Variants in ZSCAN5A observed in about 807,000 individuals in gnomAD.
ZSCAN5A encodes zinc finger and SCAN domain containing 5A, also known as zinc finger and SCAN domain-containing protein 5A.
In ZSCAN5A, 12 loss-of-function variants were observed where a neutral mutation model predicts 23.7. The ratio of observed to expected loss-of-function variants is 0.51; its 90% CI spans 0.32 to 0.82. The LOEUF is 0.82. ZSCAN5A is among the 40% of genes least tolerant of loss of function. The pLI is 0.03. For missense variants in ZSCAN5A, 597 were observed against 617.9 expected (o/e 0.97, Z 0.36); for synonymous variants, 257 against 239.9 (o/e 1.07, Z -0.66).
intron 2 of ZSCAN5A, among the ~76,000 whole-genome samples, chr19:56,348,558 G>A (rs1206414800): frequency 6.6e-6 from 1 of 152,170 alleles, no homozygotes; most frequent in East Asian, 1.9e-4. Flanking sequence ...AATTAGCTGA[G>A]CTAATAGCTC....
intron 1 of ZSCAN5A, among the ~76,000 whole-genome samples, chr19:56,364,066 C>A (rs1389788716): frequency 6.6e-6 from 1 of 152,144 alleles, no homozygotes; most frequent in African/African-American, 2.4e-5. Flanking sequence ...ATTTCAGAGA[C>A]CTCTGCAGCA....
chr19:56,327,496 C>T (rs899952699), intron 2 of ZSCAN5A, among the ~76,000 whole-genome samples: 2 of 150,236 alleles, frequency 1.3e-5, no homozygotes, highest in African/African-American at 4.9e-5. Flanking sequence ...TTATAATGTA[C>T]ATGTTAAATA....
At chr19:56,248,095 G>A (rs2036077719) in intron 2 of ZSCAN5A, among the ~76,000 whole-genome samples, 1 of 152,160 alleles carries the variant, frequency 6.6e-6, no homozygotes, top group East Asian at 1.9e-4. Context: ...GTAAATTAAA[G>A]TTGTCAAAGT....
chr19:56,368,227 C>G (rs2041788059), exon 1 of ZSCAN5A: 1 of 152,388 alleles, frequency 6.6e-6, no homozygotes, highest in African/African-American at 2.4e-5. Context: ...CCAGGTAGCT[C>G]GTCTCTTAGC....
intron 2 of ZSCAN5A, among the ~76,000 whole-genome samples, chr19:56,237,671 T>C (rs1486809016): frequency 6.6e-6 from 1 of 152,056 alleles, no homozygotes; most frequent in Non-Finnish European, 1.5e-5. Context: ...TGTAATTCCA[T>C]TAATTTGGGA....
chr19:56,251,562 T>TTG (rs544928040), intron 2 of ZSCAN5A, among the ~76,000 whole-genome samples: 1 of 152,090 alleles, frequency 6.6e-6, no homozygotes, highest in South Asian at 2.1e-4. Flanking sequence ...GAAAATAGTT[T>TTG]TGTGTGTGTG....
intron 2 of ZSCAN5A, among the ~76,000 whole-genome samples, chr19:56,286,159 C>T (rs2039104095): frequency 6.6e-6 from 1 of 151,918 alleles, no homozygotes; most frequent in Admixed American, 6.6e-5. Flanking sequence ...GTAGCTGGGA[C>T]TACAGGCGCC....
chr19:56,367,586 T>A (rs2041778861), intron 1 of ZSCAN5A, among the ~76,000 whole-genome samples: 1 of 152,224 alleles, frequency 6.6e-6, no homozygotes, highest in South Asian at 2.1e-4. Context: ...TAAAAGCCCA[T>A]GATCTAAATA....
rs11425014 is a variant in ZSCAN5A, at chr19:56,254,059, C to CTT, written c.-127-28888_-127-28887dup. On this transcript the variant is annotated intron_variant, in intron 2 of 5. Coordinates refer to ENST00000683990, the MANE Select transcript of ZSCAN5A (RefSeq NM_001322064.3). The stretch of plus-strand genomic sequence containing the variant: ...AACTGATATACCAGTGAATGAGCAT[C>CTT]TTTTTTTTTTTTTTTAAATAAGTCT... 3.2e-3 allele frequency among the ~76,000 whole-genome samples: 460 copies of CTT among 143,352 alleles called. 2 individuals carry two copies. The highest frequency in any genetic ancestry group is 8.6e-3 in the African/African-American group (336 of 38,900). 94.0% of individuals were successfully genotyped at this position (143,352 alleles called of 152,430 possible).
chr19:56,342,872 C>A, intron 2 of ZSCAN5A: 1 of 949,406 alleles, frequency 1.1e-6, no homozygotes, highest in Non-Finnish European at 1.7e-6. Context: ...TATCATTGCA[C>A]AGTACCCACT....
At chr19:56,319,843 C>G in intron 2 of ZSCAN5A, 3 of 784,238 alleles carry the variant, frequency 3.8e-6, no homozygotes, top group Middle Eastern at 2.3e-4. Flanking sequence ...CTGCAGTTTT[C>G]ATTAGTATAA....
rs149429244 is a variant in ZSCAN5A, at chr19:56,333,856, A to AATAT, written c.-357-17592_-357-17589dup. 1.0e-3 allele frequency among the ~76,000 whole-genome samples: 157 copies of AATAT among 150,270 alleles called. 1 individual carries two copies. The highest frequency in any genetic ancestry group is 3.7e-3 in the African/African-American group (151 of 41,124). On this transcript the variant is annotated intron_variant, in intron 2 of 6. Transcript: ENST00000587340. ...GGAGACAGGGGAAAGGAAAAAGAAA[A>AATAT]ATATATATATATATATAAGAATCTT...
At chr19:56,318,967 G>A (rs2041345795), upstream of ZSCAN5A, among the ~76,000 whole-genome samples, 1 of 152,152 alleles carries the variant, frequency 6.6e-6, no homozygotes, top group African/African-American at 2.4e-5. Context: ...CAACTCTCTA[G>A]CACAGATGGG....
At chr19:56,237,343 G>A (rs58907388) in intron 2 of ZSCAN5A, among the ~76,000 whole-genome samples, 16,978 of 152,008 alleles carry the variant, frequency 0.11, 1,491 homozygotes, top group East Asian at 0.27. Context: ...GATCCACACC[G>A]CCATTCTGAT....
chr19:56,346,179 C>T (rs1242023755), intron 2 of ZSCAN5A, among the ~76,000 whole-genome samples: 2 of 151,078 alleles, frequency 1.3e-5, no homozygotes, highest in Non-Finnish European at 3.0e-5. Context: ...GTTGATAAAA[C>T]CCAATGGGGA....
chr19:56,252,941 G>A (rs1051759608), intron 2 of ZSCAN5A, among the ~76,000 whole-genome samples: 33 of 152,366 alleles, frequency 2.2e-4, no homozygotes, highest in Admixed American at 1.8e-3. Flanking sequence ...CAAGAAGAAA[G>A]ACAAGATGGC....
intron 2 of ZSCAN5A, among the ~76,000 whole-genome samples, chr19:56,249,672 T>C (rs541326524): frequency 9.8e-5 from 15 of 152,320 alleles, no homozygotes; most frequent in African/African-American, 3.1e-4. Context: ...ATACGGCACA[T>C]TTGCCACAAG....
upstream of ZSCAN5A, chr19:56,315,864 C>T (rs181048252): frequency 5.3e-5 from 8 of 152,310 alleles, no homozygotes; most frequent in Admixed American, 3.9e-4. Flanking sequence ...CAATGGCCAG[C>T]ACACAATGAC....
chr19:56,349,386 A>G (rs2041653278), intron 2 of ZSCAN5A, among the ~76,000 whole-genome samples: 1 of 152,150 alleles, frequency 6.6e-6, no homozygotes, highest in Non-Finnish European at 1.5e-5. Flanking sequence ...GAATGTCCTC[A>G]ATATCAGTGT....
Sources: gnomAD v4.1 joint callset for allele counts (sites outside exome capture counted in the v4.1 genomes callset) on GRCh38, gnomAD v4.1.1 for gene constraint, MANE v1.5 for transcripts, NCBI Gene and HGNC (gene_info 2026-07-23, HGNC 2026-07-21) for gene names.